Variants in RNF157 observed in about 807,000 individuals in gnomAD.
RNF157 encodes E3 ubiquitin ligase RNF157.
A neutral mutation model predicts 88.3 loss-of-function variants in RNF157; 55 were observed. The observed-to-expected ratio is 0.62, with a 90% CI of 0.50 to 0.78. RNF157 has a LOEUF of 0.78. Ranked by LOEUF, RNF157 falls within the 30% of genes least tolerant of loss-of-function variation. The probability of loss-of-function intolerance (pLI) is 0.00; values close to 1 mark genes in which losing one functional copy is unlikely to be tolerated. For synonymous variants in RNF157, 334 were observed against 341.2 expected, an observed-to-expected ratio of 0.98 and a Z score of 0.23; for missense variants, 788 against 860.8, an observed-to-expected ratio of 0.92 and a Z score of 1.06.
At chr17:76,204,437 C>G (rs1252201563) in intron 2 of RNF157, among the ~76,000 whole-genome samples, 1 of 152,194 alleles carries the variant, frequency 6.6e-6, no homozygotes, top group East Asian at 1.9e-4. Flanking sequence ...TCAGCTGCCC[C>G]ACTCTGCAGC....
In RNF157 at chr17:76,176,641, C is replaced by T. The variant is rs1342015385; in HGVS notation, c.208-2851G>A. Among the ~76,000 whole-genome samples, 2 of 152,208 alleles carry T rather than the reference C, an allele frequency of 1.3e-5. No individual in the cohort carries two copies. Among genetic ancestry groups the T allele is most frequent in the Non-Finnish European group, 2.9e-5 (2 of 68,026 alleles). The stretch of plus-strand genomic sequence containing the variant: ...AGGGAGCAGACAGACAGCCCCTCCA[C>T]AGCTTGCCGCCCTGGAGGCCACCCC... On this transcript the variant is annotated intron_variant, in intron 2 of 18. Transcript: ENST00000269391. The surrounding 1 kb of genome is among the most constrained non-coding windows in gnomAD (Gnocchi z 4.2).
At chr17:76,231,500 G>A (rs934768866) in intron 1 of RNF157, among the ~76,000 whole-genome samples, 15 of 152,206 alleles carry the variant, frequency 9.9e-5, no homozygotes, top group South Asian at 4.2e-4. Flanking sequence ...ATCTCACCAC[G>A]TTGACTGGGC....
intron 1 of RNF157, among the ~76,000 whole-genome samples, chr17:76,228,416 T>C (rs1200007113): frequency 1.3e-5 from 2 of 152,212 alleles, no homozygotes; most frequent in Non-Finnish European, 2.9e-5. Flanking sequence ...CAAGGAGGCA[T>C]TCCTCCTTTC....
At chr17:76,155,123 C>T in intron 16 of RNF157, 129 bp downstream of exon 16, 1 of 764,982 alleles carries the variant, frequency 1.3e-6, no homozygotes, top group Non-Finnish European at 2.3e-6. Flanking sequence ...TCTCACTGAT[C>T]TAGGCATGTC....
intron 2 of RNF157, among the ~76,000 whole-genome samples, chr17:76,189,055 G>A (rs1390089760): frequency 1.3e-5 from 2 of 152,120 alleles, no homozygotes; most frequent in African/African-American, 4.8e-5. Flanking sequence ...GAAGAACAAG[G>A]AAAAATTGAG....
intron 2 of RNF157, among the ~76,000 whole-genome samples, chr17:76,180,932 C>T (rs1205246621): frequency 3.3e-5 from 5 of 152,116 alleles, no homozygotes; most frequent in South Asian, 4.1e-4. Context: ...CTGTAAGTTC[C>T]GTGTGTATGC....
chr17:76,209,527 T>C (rs928249585), intron 2 of RNF157, among the ~76,000 whole-genome samples: 1 of 152,060 alleles, frequency 6.6e-6, no homozygotes, highest in East Asian at 1.9e-4. Flanking sequence ...TTACTGCTAG[T>C]GTATTCCGTG....
intron 1 of RNF157, chr17:76,226,403 G>C: frequency 6.3e-7 from 1 of 1,596,266 alleles, no homozygotes; most frequent in South Asian, 1.1e-5. Context: ...CACCATCTGG[G>C]GGGGCACCTT....
rs545738738 is a variant in RNF157 at position 76,153,247 on chromosome 17, C to T, written c.1811-782G>A. On this transcript the variant is annotated intron_variant, in intron 17 of 18. Transcript: ENST00000269391. Reference sequence around the variant, plus strand: ...GGAGAAACAATCACAAGGGGTAACTCTAGAGCCTCAAGCACTGAAGTCATC... The same window carrying T: ...GGAGAAACAATCACAAGGGGTAACTTTAGAGCCTCAAGCACTGAAGTCATC... The T allele has an allele frequency of 6.6e-5, 10 of 152,374 alleles. No homozygotes were observed. The East Asian group carries it at 1.9e-3, about 29-fold the overall frequency. The allele number at this position is 152,374 out of a possible 1,614,324, so 9.4% of individuals were successfully genotyped here.
rs1293970811 is a variant in RNF157, at chr17:76,239,536, A to AC, written c.88+616dup. ...AACATTTCTGTTACTTTCCACCACC[A>AC]CCACCCCCCCCACCCCCCGGCTTCT... On this transcript the variant is annotated intron_variant, in intron 1 of 18. Coordinates refer to ENST00000269391, the MANE Select transcript of RNF157 (RefSeq NM_052916.3). Among the ~76,000 whole-genome samples, 47 of 88,418 alleles carry AC rather than the reference A, an allele frequency of 5.3e-4. 1 individual carries two copies. The highest frequency in any genetic ancestry group is 2.8e-3 in the Admixed American group (22 of 7,952). 58.0% of individuals were successfully genotyped at this position (88,418 alleles called of 152,430 possible). A position where few individuals can be genotyped will look rare whatever the true frequency, so the allele number is the denominator to read the frequency against.
intron 2 of RNF157, among the ~76,000 whole-genome samples, chr17:76,211,149 G>A (rs139871175): frequency 2.0e-5 from 3 of 152,190 alleles, no homozygotes; most frequent in African/African-American, 4.8e-5. Flanking sequence ...TTGTTCCAGG[G>A]AAGAACAAAC....
chr17:76,191,310 T>A (rs570973458), intron 2 of RNF157, among the ~76,000 whole-genome samples: 7 of 150,882 alleles, frequency 4.6e-5, no homozygotes, highest in African/African-American at 1.7e-4. Context: ...ACACCGTCTC[T>A]ACAAAAAAAT....
intron 17 of RNF157, 87 bp downstream of exon 17, chr17:76,154,196 C>A: frequency 1.0e-6 from 1 of 968,882 alleles, no homozygotes; most frequent in South Asian, 1.3e-5. Context: ...GCCACCACGT[C>A]ATACCGGTAC....
chr17:76,159,223 G>A, intron 12 of RNF157, 112 bp downstream of exon 12: 3 of 901,154 alleles, frequency 3.3e-6, no homozygotes, highest in Non-Finnish European at 5.4e-6. Context: ...TCTGGGAACA[G>A]CCCAGAGGGT....
chr17:76,177,627 G>A (rs1164850535), intron 2 of RNF157, among the ~76,000 whole-genome samples: 1 of 152,008 alleles, frequency 6.6e-6, no homozygotes, highest in African/African-American at 2.4e-5. Context: ...ACTGGAGTGG[G>A]AACTTGTGTT....
At chr17:76,175,830 A>T in intron 2 of RNF157, 4 of 975,694 alleles carry the variant, frequency 4.1e-6, no homozygotes, top group Non-Finnish European at 3.7e-6. Context: ...CAAAAGAGAG[A>T]AAAATAAAAA....
intron 2 of RNF157, among the ~76,000 whole-genome samples, chr17:76,204,657 C>G (rs1051319995): frequency 6.6e-6 from 1 of 152,176 alleles, no homozygotes; most frequent in African/African-American, 2.4e-5. Context: ...CTTGCTCTTC[C>G]TGACACATAT....
intron 16 of RNF157, 86 bp downstream of exon 16, chr17:76,155,166 G>T: frequency 8.4e-7 from 1 of 1,184,240 alleles, no homozygotes; most frequent in Non-Finnish European, 1.3e-6. Context: ...CAGCCTCCTG[G>T]CCCTGGTCCT....
chr17:76,152,495 G>C, intron 17 of RNF157, 30 bp from the exon 18 acceptor site: 2 of 1,400,740 alleles, frequency 1.4e-6, no homozygotes, highest in Non-Finnish European at 2.0e-6. Context: ...GTTAGAGAGG[G>C]GCTGGCTGTG....
Sources: allele counts gnomAD v4.1 joint callset (sites outside exome capture counted in the v4.1 genomes callset), GRCh38; gene constraint gnomAD v4.1.1; non-coding constraint Gnocchi (gnomAD v3.1); transcripts MANE v1.5; gene names NCBI Gene and HGNC (gene_info 2026-07-23, HGNC 2026-07-21).